Variants in DYNC2I1 observed in about 807,000 individuals in gnomAD.
DYNC2I1 encodes dynein 2 intermediate chain 1, also known as cytoplasmic dynein 2 intermediate chain 1.
In DYNC2I1, 89 loss-of-function variants were observed where a neutral mutation model predicts 133.4. That is an observed-to-expected ratio of 0.67 (90% CI 0.56 to 0.80). The LOEUF (loss-of-function observed/expected upper bound fraction) is 0.80, where lower values mean the gene tolerates loss of function less well. DYNC2I1 is among the 30% of genes least tolerant of loss of function. DYNC2I1 has a pLI of 0.00. For synonymous variants in DYNC2I1, 504 were observed against 484.3 expected (o/e 1.04, Z -0.54); for missense variants, 1,291 against 1,314.5 (o/e 0.98, Z 0.28).
intron 8 of DYNC2I1, among the ~76,000 whole-genome samples, chr7:158,894,089 G>A (rs544640364): frequency 9.9e-5 from 15 of 151,988 alleles, no homozygotes; most frequent in Admixed American, 2.0e-4. Flanking sequence ...ATATTATACC[G>A]TATAGCAAAG....
intron 23 of DYNC2I1, 150 bp from the exon 24 acceptor site, chr7:158,941,775 G>GGTC: frequency 2.5e-6 from 2 of 806,182 alleles, no homozygotes; most frequent in South Asian, 1.7e-5. Flanking sequence ...CTACTCAGGA[G>GGTC]GCCGAGGCAG....
intron 12 of DYNC2I1, 36 bp downstream of exon 12, chr7:158,911,715 C>T: frequency 4.4e-6 from 7 of 1,578,234 alleles, no homozygotes; most frequent in Non-Finnish European, 5.2e-6. Flanking sequence ...TGATAAAATG[C>T]AAGTAAAGTC....
chr7:158,862,395 G>A (rs1467622909), intron 1 of DYNC2I1, among the ~76,000 whole-genome samples: 5 of 152,072 alleles, frequency 3.3e-5, no homozygotes, highest in East Asian at 1.9e-4. Flanking sequence ...TGCAGGTTAC[G>A]AATTCTGGTG....
At chr7:158,953,743 A>G (rs543530232) in intron 4 of DYNC2I1, among the ~76,000 whole-genome samples, 5 of 152,222 alleles carry the variant, frequency 3.3e-5, no homozygotes, top group African/African-American at 7.2e-5. Flanking sequence ...ATGTGTGTGT[A>G]TGTTACATAT....
chr7:158,889,243 G>C (rs1387013625), intron 7 of DYNC2I1, among the ~76,000 whole-genome samples: 1 of 151,976 alleles, frequency 6.6e-6, no homozygotes, highest in Non-Finnish European at 1.5e-5. Flanking sequence ...ACCACACCTG[G>C]CTAATTTTTT....
intron 1 of DYNC2I1, among the ~76,000 whole-genome samples, chr7:158,861,287 A>G (rs1486417521): frequency 1.3e-5 from 2 of 152,176 alleles, no homozygotes; most frequent in Non-Finnish European, 2.9e-5. Flanking sequence ...TCTCTCTGGG[A>G]AGGTAGAATC....
chr7:158,906,181 C>A (rs767402728), intron 11 of DYNC2I1, 90 bp downstream of exon 11: 1 of 1,118,012 alleles, frequency 8.9e-7, no homozygotes, highest in Non-Finnish European at 1.3e-6. Flanking sequence ...TTTTAAAATG[C>A]ATTTTTACTA....
chr7:158,890,922 G>T (rs142486609), intron 7 of DYNC2I1, among the ~76,000 whole-genome samples: 19 of 152,132 alleles, frequency 1.2e-4, no homozygotes, highest in Non-Finnish European at 2.5e-4. Flanking sequence ...CATTGACAAA[G>T]GTGACATTTG....
chr7:158,868,774 TC>T (rs981619587), intron 1 of DYNC2I1, among the ~76,000 whole-genome samples: 1 of 152,212 alleles, frequency 6.6e-6, no homozygotes, highest in Non-Finnish European at 1.5e-5. Context: ...CCTGATTTGT[TC>T]CTTGGCAGGA....
chr7:158,876,511 A>G, intron 3 of DYNC2I1, 98 bp from the exon 4 acceptor site: 1 of 1,393,286 alleles, frequency 7.2e-7, no homozygotes, highest in Middle Eastern at 2.5e-4. Flanking sequence ...CATATTAACG[A>G]ATATAAAATG....
chr7:158,923,495 A>G, intron 16 of DYNC2I1, 76 bp from the exon 17 acceptor site: 1 of 1,604,604 alleles, frequency 6.2e-7, no homozygotes, highest in Non-Finnish European at 8.5e-7. Flanking sequence ...CAGACACCCC[A>G]CTCAGTAAAT....
intron 4 of DYNC2I1, among the ~76,000 whole-genome samples, chr7:158,955,717 T>C (rs1052858676): frequency 1.3e-5 from 2 of 152,110 alleles, no homozygotes; most frequent in Non-Finnish European, 2.9e-5. Context: ...GGCCCGTGAG[T>C]TCCCCACAGC....
intron 7 of DYNC2I1, among the ~76,000 whole-genome samples, chr7:158,887,972 T>A (rs1844772417): frequency 6.6e-6 from 1 of 151,292 alleles, no homozygotes; most frequent in Admixed American, 6.6e-5. Flanking sequence ...ACTTAGTGAC[T>A]CTAAAATAGC....
In DYNC2I1 at chr7:158,925,531, A is replaced by T. The variant is rs145014801; in HGVS notation, c.2258-656A>T. Among the ~76,000 whole-genome samples the T allele has an allele frequency of 4.9e-3, 747 of 152,156 alleles. 7 individuals carry two copies. Among genetic ancestry groups the T allele is most frequent in the African/African-American group, 0.017 (712 of 41,506 alleles). On this transcript the variant is annotated intron_variant, in intron 17 of 24. Coordinates refer to ENST00000407559, the MANE Select transcript of DYNC2I1 (RefSeq NM_018051.5). ...TTTACATTTTTTCTGTTTTCTTCTT[A>T]TAGTAGCTTTCTATGGAGTTTGGCG... is the stretch of plus-strand genomic sequence containing the variant.
At position 158,876,609 on chromosome 7, in the gene DYNC2I1, T is replaced by C; in HGVS notation, c.491T>C (p.Val164Ala). The C allele has an allele frequency of 6.4e-7, 1 of 1,565,412 alleles. No individual in the cohort carries two copies. Among genetic ancestry groups the C allele is most frequent in the Non-Finnish European group, 8.6e-7 (1 of 1,163,516 alleles). The change falls in exon 4 of 25, where the codon GTA (valine) becomes GCA (alanine). Residue 164 changes from valine to alanine, a missense_variant and splice_region_variant. Transcript: ENST00000407559. ...TAAAAATATGTTTTACTTCTTGTAG[T>C]AAGTAAAGTAAGAAGTGAAGAGAAA... ...LERAERKGRS[V>A]SKVRSEEKDE... is the part of the protein sequence containing the mutation.
chr7:158,899,915 A>G (rs949005545), intron 8 of DYNC2I1, among the ~76,000 whole-genome samples: 26 of 152,138 alleles, frequency 1.7e-4, no homozygotes, highest in Middle Eastern at 3.4e-3. Flanking sequence ...ACTTCTTTTT[A>G]TGTTGCTTGC....
chr7:158,853,977 T>C (rs1841111841), upstream of DYNC2I1, among the ~76,000 whole-genome samples: 1 of 148,884 alleles, frequency 6.7e-6, no homozygotes, highest in African/African-American at 2.5e-5. Flanking sequence ...CTCAAATCAG[T>C]GTCCCCCAAA....
At chr7:158,950,731 T>G (rs533356150), downstream of DYNC2I1, among the ~76,000 whole-genome samples, 135 of 145,574 alleles carry the variant, frequency 9.3e-4, no homozygotes, top group Non-Finnish European at 1.6e-3. Context: ...TCTATATGAT[T>G]CCAGGTGTGA....
rs532400221 is a variant in DYNC2I1 at position 158,896,886 on chromosome 7, A to G, written c.1060-4853A>G. 6.3e-3 allele frequency among the ~76,000 whole-genome samples: 941 copies of G among 148,786 alleles called. 6 individuals are homozygous for G. The highest frequency in any genetic ancestry group is 0.01 in the Non-Finnish European group (703 of 67,200). ...CTGTAGTTTTTTTTTTTTTTCTTGTAATATCTTTGTCTGGATCATGCTGGC... is the reference window on the plus strand; with the variant it reads ...CTGTAGTTTTTTTTTTTTTTCTTGTGATATCTTTGTCTGGATCATGCTGGC... On this transcript the variant is annotated intron_variant, in intron 8 of 24. Transcript: ENST00000407559.
Sources: allele counts gnomAD v4.1 joint callset (sites outside exome capture counted in the v4.1 genomes callset), GRCh38; gene constraint gnomAD v4.1.1; transcripts MANE v1.5; gene names NCBI Gene and HGNC (gene_info 2026-07-23, HGNC 2026-07-21).